Variants in SEC22C observed in about 807,000 individuals in gnomAD.
The protein encoded by SEC22C is vesicle-trafficking protein SEC22c.
Under a neutral mutation model 34.7 loss-of-function variants are expected in SEC22C, and 29 were observed. The observed-to-expected ratio is 0.84, with a 90% CI of 0.62 to 1.14. SEC22C has a LOEUF of 1.14. SEC22C is among the 50% of genes most tolerant of loss of function. The pLI is 0.00. For synonymous variants in SEC22C, 117 were observed against 132.8 expected, an observed-to-expected ratio of 0.88 and a Z score of 0.82; for missense variants, 337 against 369.0, an observed-to-expected ratio of 0.91 and a Z score of 0.71.
intron 1 of SEC22C, among the ~76,000 whole-genome samples, chr3:42,574,598 G>C (rs938684054): frequency 5.3e-5 from 8 of 152,096 alleles, no homozygotes; most frequent in Non-Finnish European, 1.0e-4. Flanking sequence ...CAATAATTAT[G>C]TCTCATGTGG....
At position 42,552,955 on chromosome 3, in the gene SEC22C, C is replaced by A; in HGVS notation, c.*293G>T. 1 of 1,167,958 alleles carries A rather than the reference C, an allele frequency of 8.6e-7. No homozygotes were observed. Among genetic ancestry groups the A allele is most frequent in the Non-Finnish European group, 1.1e-6 (1 of 943,618 alleles). 72.3% of individuals were successfully genotyped at this position (1,167,958 alleles called of 1,614,324 possible). A position where few individuals can be genotyped will look rare whatever the true frequency, so the allele number is the denominator to read the frequency against. On this transcript the variant is annotated 3_prime_UTR_variant, in exon 7 of 7. Coordinates refer to ENST00000264454, the MANE Select transcript of SEC22C (RefSeq NM_032970.4). ...TTCAACTTAAAAGACCAAAATATTT[C>A]CTTTCTCTCTTCCAATAAAGCTCTT...
chr3:42,575,912 G>A (rs1298124763), intron 1 of SEC22C, among the ~76,000 whole-genome samples: 2 of 152,100 alleles, frequency 1.3e-5, no homozygotes, highest in Non-Finnish European at 2.9e-5. Flanking sequence ...GCTGAGGACA[G>A]GAGTTTAAGT....
At chr3:42,573,538 AAAAAC>A (rs1274663926) in intron 1 of SEC22C, 1 of 152,300 alleles carries the variant, frequency 6.6e-6, no homozygotes, top group Non-Finnish European at 1.5e-5. Flanking sequence ...CAAAAAAACA[AAAAAC>A]AAAACTGAGG....
In SEC22C at chr3:42,553,179, A is replaced by G; in HGVS notation, c.*69T>C. On this transcript the variant is annotated 3_prime_UTR_variant, in exon 7 of 7. Transcript: ENST00000264454. ...ATGGAAACTGGAGTGTAAAGTAGAG[A>G]AGCAGAAAGAGAAACATAGATTGAT... The G allele has an allele frequency of 1.3e-6, 2 of 1,582,106 alleles. No individual in the cohort carries two copies. The highest frequency in any genetic ancestry group is 2.3e-5 in the South Asian group (2 of 85,904).
upstream of SEC22C, chr3:42,582,007 C>G (rs1034549728): frequency 4.6e-5 from 7 of 152,508 alleles, no homozygotes; most frequent in Non-Finnish European, 4.4e-5. Flanking sequence ...CACCTCCCCC[C>G]TACCCCGCAT....
Position 42,553,507 on chromosome 3 carries a change from G to A in SEC22C, c.712-59C>T, listed in dbSNP as rs2125693919. On this transcript the variant is annotated intron_variant, in intron 6 of 6. Transcript: ENST00000264454. ...AGATAAAATGGCCACTAGATCATAT[G>A]CAAAATTCACCTCCCACAGCTTCCA... is the stretch of plus-strand genomic sequence containing the variant. 2.5e-6 allele frequency: 4 copies of A among 1,572,160 alleles called. No homozygotes were observed. In the South Asian group the frequency reaches 4.7e-5, roughly 18 times the overall value.
At chr3:42,561,353 CA>C (rs969642901) in intron 3 of SEC22C, 57 bp from the exon 4 acceptor site, 1 of 1,529,706 alleles carries the variant, frequency 6.5e-7, no homozygotes, top group African/African-American at 1.4e-5. Flanking sequence ...TATTATAAGA[CA>C]ATACGTACAA....
In SEC22C at chr3:42,557,186, T is replaced by C. The variant is rs372676488; in HGVS notation, c.645+392A>G. On this transcript the variant is annotated intron_variant, in intron 5 of 6. Transcript: ENST00000264454. ...CACAAGGAAGGTGGCATCTGCATTA[T>C]ACAAATCAGATTATGGGACAACCTT... Among the ~76,000 whole-genome samples the C allele has an allele frequency of 9.8e-5, 15 of 152,336 alleles. 1 individual carries two copies. In the East Asian group the frequency reaches 2.7e-3, roughly 27 times the overall value.
intron 1 of SEC22C, among the ~76,000 whole-genome samples, chr3:42,569,859 C>T (rs191888508): frequency 6.6e-6 from 1 of 152,286 alleles, no homozygotes; most frequent in East Asian, 1.9e-4. Context: ...CAGGCCTGCA[C>T]CATTTCTGCT....
intron 1 of SEC22C, chr3:42,581,448 T>C (rs964542932): frequency 3.3e-5 from 5 of 152,302 alleles, no homozygotes; most frequent in African/African-American, 1.2e-4. Flanking sequence ...ATATTTAAAG[T>C]CTAATAACAC....
chr3:42,594,560 T>A lies in SEC22C; in HGVS notation c.-28+6400A>T, dbSNP rs759851007. The A allele has an allele frequency of 2.7e-6, 4 of 1,472,902 alleles. No homozygotes were observed. The Admixed American group carries it at 6.7e-5, about 25-fold the overall frequency. The allele number at this position is 1,472,902 out of a possible 1,614,324, so 91.2% of individuals were successfully genotyped here. On this transcript the variant is annotated intron_variant, in intron 1 of 6. Coordinates refer to the SEC22C transcript ENST00000417572. Reference sequence around the variant, plus strand: ...TCCATTTGGCTGTCGTGAGGAGTAATTGAATGTAATCCATCTCTTACAAAA... The same window carrying A: ...TCCATTTGGCTGTCGTGAGGAGTAAATGAATGTAATCCATCTCTTACAAAA...
chr3:42,563,906 T>C lies in SEC22C; in HGVS notation c.183-220A>G, dbSNP rs529364503. 3.8e-4 allele frequency: 541 copies of C among 1,441,386 alleles called. 2 individuals are homozygous for C. Among genetic ancestry groups the C allele is most frequent in the Middle Eastern group, 1.8e-3 (10 of 5,496 alleles). The allele number at this position is 1,441,386 out of a possible 1,614,324, so 89.3% of individuals were successfully genotyped here. A position where few individuals can be genotyped will look rare whatever the true frequency, so the allele number is the denominator to read the frequency against. Reference sequence around the variant, plus strand: ...CTAGTAGTCTTAATCAATGACAGCCTGTGATCACTCTTATTTATTCATGCA... The same window carrying C: ...CTAGTAGTCTTAATCAATGACAGCCCGTGATCACTCTTATTTATTCATGCA... On this transcript the variant is annotated intron_variant, in intron 2 of 6. Coordinates refer to ENST00000264454, the MANE Select transcript of SEC22C (RefSeq NM_032970.4).
chr3:42,552,425 G>A lies in SEC22C; in HGVS notation c.*823C>T. On this transcript the variant is annotated 3_prime_UTR_variant, in exon 7 of 7. Transcript: ENST00000264454. Reference sequence around the variant, plus strand: ...AATCCATGTTCATTCACCTACTCCAGGTTGTGGTCAATTGTAAGTAATCCT... The same window carrying A: ...AATCCATGTTCATTCACCTACTCCAAGTTGTGGTCAATTGTAAGTAATCCT... The A allele has an allele frequency of 1.0e-6, 1 of 985,368 alleles. No individual in the cohort carries two copies. 61.0% of individuals were successfully genotyped at this position (985,368 alleles called of 1,614,324 possible).
At position 42,569,074 on chromosome 3, in the gene SEC22C, C is replaced by A. The variant is rs747474946; in HGVS notation, c.-27-1G>T. 1.9e-6 allele frequency: 3 copies of A among 1,601,046 alleles called. No individual in the cohort carries two copies. Among genetic ancestry groups the A allele is most frequent in the Non-Finnish European group, 2.6e-6 (3 of 1,171,386 alleles). On this transcript the variant is annotated splice_acceptor_variant, in intron 1 of 6. Transcript: ENST00000264454. LOFTEE classifies it low-confidence loss of function (5UTR_SPLICE). ...TCCACAAGAGAAGTCATGAGGACAC[C>A]TGAGGAAAGCAAGGTCACCTTGTTA... is the stretch of plus-strand genomic sequence containing the variant.
intron 4 of SEC22C, among the ~76,000 whole-genome samples, chr3:42,558,246 G>C (rs1372587741): frequency 6.6e-6 from 1 of 152,046 alleles, no homozygotes; most frequent in Non-Finnish European, 1.5e-5. Flanking sequence ...GGGAGGCTGA[G>C]GCAGGCAGCA....
At chr3:42,580,523 G>T (rs149882245) in intron 1 of SEC22C, 2 of 152,330 alleles carry the variant, frequency 1.3e-5, no homozygotes, top group Non-Finnish European at 2.9e-5. Context: ...ATGGAGTGAA[G>T]AGGAGGGTAG....
chr3:42,548,803 A>G lies in SEC22C; in HGVS notation c.*4445T>C, dbSNP rs1339388167. On this transcript the variant is annotated 3_prime_UTR_variant, in exon 7 of 7. Coordinates refer to ENST00000264454, the MANE Select transcript of SEC22C (RefSeq NM_032970.4). ...GTAGTATAACAAAATGCCTTTTTGT[A>G]AAGGCCAGAAGAAATGGCTGTGCTG... 3 of 1,469,806 alleles carry G rather than the reference A, an allele frequency of 2.0e-6. No homozygotes were observed. Among genetic ancestry groups the G allele is most frequent in the East Asian group, 2.4e-5 (1 of 40,912 alleles). The allele number at this position is 1,469,806 out of a possible 1,614,324, so 91.0% of individuals were successfully genotyped here.
intron 3 of SEC22C, among the ~76,000 whole-genome samples, chr3:42,562,911 A>T (rs997160707): frequency 2.0e-5 from 3 of 152,216 alleles, no homozygotes; most frequent in Non-Finnish European, 2.9e-5. Flanking sequence ...ACCACCGCAG[A>T]CTGATATTTT....
intron 4 of SEC22C, among the ~76,000 whole-genome samples, chr3:42,558,057 A>G (rs1702641507): frequency 6.6e-6 from 1 of 152,248 alleles, no homozygotes; most frequent in Admixed American, 6.5e-5. Flanking sequence ...TGTCACAACT[A>G]GAGACAGGCT....
Sources: gnomAD v4.1 joint callset for allele counts (sites outside exome capture counted in the v4.1 genomes callset) on GRCh38, gnomAD v4.1.1 for gene constraint, MANE v1.5 for transcripts, NCBI Gene and HGNC (gene_info 2026-07-23, HGNC 2026-07-21) for gene names.